The following DGAT2 variants were observed in gnomAD, a reference collection of about 807,000 sequenced individuals.
DGAT2 encodes diacylglycerol O-acyltransferase 2, also known as acyl-CoA retinol O-fatty-acyltransferase.
DGAT2 carries 33 observed loss-of-function variants against 48.4 expected under a neutral mutation model. The observed-to-expected ratio is 0.68, with a 90% CI of 0.52 to 0.91. DGAT2 has a LOEUF of 0.91. Ranked by LOEUF, DGAT2 falls within the 40% of genes least tolerant of loss-of-function variation. The probability of loss-of-function intolerance (pLI) is 0.00; values close to 1 mark genes in which losing one functional copy is unlikely to be tolerated. For missense variants in DGAT2, 446 were observed against 493.7 expected, an observed-to-expected ratio of 0.90 and a Z score of 0.92; for synonymous variants, 191 against 194.1, an observed-to-expected ratio of 0.98 and a Z score of 0.13.
chr11:75,784,713 G>A lies in DGAT2; in HGVS notation c.217G>A (p.Val73Met). ...KVEKQLQVIS[V>M]LQWVLSFLVL... ...GGAAAAGCAGCTACAGGTCATCTCA[G>A]TGCTCCAGTGGGTCCTGTCCTTCCT... The change falls in exon 2 of 8, where the codon GTG (valine) becomes ATG (methionine). Residue 73 changes from valine to methionine, a missense_variant. Physicochemically the swap from Val to Met is conservative, Grantham distance 21. Coordinates refer to ENST00000228027, the MANE Select transcript of DGAT2 (RefSeq NM_032564.5). The A allele has an allele frequency of 1.2e-6, 2 of 1,614,126 alleles. No homozygotes were observed. Among genetic ancestry groups the A allele is most frequent in the Admixed American group, 3.3e-5 (2 of 60,020 alleles).
intron 2 of DGAT2, 66 bp from the exon 3 acceptor site, chr11:75,790,118 CTCCA>C: frequency 6.1e-6 from 7 of 1,154,770 alleles, no homozygotes; most frequent in Non-Finnish European, 9.1e-6. Context: ...TAAACACTCA[CTCCA>C]TCCACCATGG....
intron 1 of DGAT2, 113 bp from the exon 2 acceptor site, chr11:75,784,505 G>C: frequency 5.6e-6 from 8 of 1,439,992 alleles, no homozygotes; most frequent in Non-Finnish European, 7.6e-6. Context: ...TGATTCTATA[G>C]CTGATGCTCT....
At chr11:75,793,215 T>G (rs567605496) in intron 4 of DGAT2, 2 of 152,382 alleles carry the variant, frequency 1.3e-5, no homozygotes, top group Admixed American at 1.3e-4. Context: ...AGAACCTTCA[T>G]TGGCGGTATC....
intron 1 of DGAT2, 64 bp downstream of exon 1, chr11:75,769,176 A>G (rs1023394352): frequency 6.7e-7 from 1 of 1,501,214 alleles, no homozygotes; most frequent in Admixed American, 2.4e-5. Flanking sequence ...GCCCTGTGGC[A>G]GGCTGGTGGG....
intron 5 of DGAT2, 101 bp from the exon 6 acceptor site, chr11:75,797,057 C>G: frequency 8.1e-7 from 1 of 1,238,744 alleles, no homozygotes; most frequent in South Asian, 2.0e-5. Context: ...AGGTCTGGGG[C>G]CCAGGTCCAG....
At chr11:75,790,589 C>A in intron 3 of DGAT2, 72 bp from the exon 4 acceptor site, 1 of 1,428,518 alleles carries the variant, frequency 7.0e-7, no homozygotes. Context: ...GGGTTTCACA[C>A]TGGCCCTGTC....
rs762270771 is a variant in DGAT2 at position 75,784,631 on chromosome 11, C to A, written c.135C>A (p.Ser45Arg). The change falls in exon 2 of 8, where the codon AGC becomes AGA. Residue 45 changes from serine (S) to arginine (R), a missense_variant. Transcript: ENST00000228027. ...CCTCTGCTGTAGGCACTGGATCCAG[C>A]ATCCTCTCCGCCCTCCAGGACCTCT... ...EGSGRWGTGS[S>R]ILSALQDLFS... is the part of the protein sequence containing the mutation. 1 of 1,614,104 alleles carries A rather than the reference C, an allele frequency of 6.2e-7. No homozygotes were observed. Among genetic ancestry groups the A allele is most frequent in the Non-Finnish European group, 8.5e-7 (1 of 1,179,964 alleles).
intron 6 of DGAT2, among the ~76,000 whole-genome samples, chr11:75,797,883 C>T (rs1372747865): frequency 1.3e-5 from 2 of 152,134 alleles, no homozygotes; most frequent in East Asian, 3.9e-4. Context: ...ATGGTGAGTC[C>T]AGGGCTGAGA....
chr11:75,771,587 T>C (rs891169291), intron 1 of DGAT2, among the ~76,000 whole-genome samples: 1 of 152,094 alleles, frequency 6.6e-6, no homozygotes, highest in African/African-American at 2.4e-5. Context: ...GAGTTCCACA[T>C]CACTGTGGAT....
In DGAT2 at chr11:75,799,605, C is replaced by CT. The variant is rs1404419285; in HGVS notation, c.1013-744dup. 1.8e-4 allele frequency among the ~76,000 whole-genome samples: 28 copies of CT among 151,554 alleles called. 1 individual carries two copies. Among genetic ancestry groups the CT allele is most frequent in the African/African-American group, 6.8e-4 (28 of 41,088 alleles). On this transcript the variant is annotated intron_variant, in intron 7 of 7. Transcript: ENST00000228027. The stretch of plus-strand genomic sequence containing the variant: ...CCCTCCTCTCCTGCCCTTAACCACA[C>CT]TTTTTATTTTTTTTTTTTTTATTTT...
intron 1 of DGAT2, 114 bp downstream of exon 1, chr11:75,769,226 T>C (rs760297827): frequency 2.8e-5 from 37 of 1,304,662 alleles, no homozygotes; most frequent in Non-Finnish European, 3.4e-5. Flanking sequence ...GTGGCACTCA[T>C]CAATTTTTAC....
At chr11:75,772,263 A>G (rs1385291610) in intron 1 of DGAT2, among the ~76,000 whole-genome samples, 1 of 152,156 alleles carries the variant, frequency 6.6e-6, no homozygotes, top group African/African-American at 2.4e-5. Flanking sequence ...TTTGGCTGCC[A>G]GGTGAATGCC....
intron 1 of DGAT2, among the ~76,000 whole-genome samples, chr11:75,778,940 T>C (rs1489134026): frequency 3.3e-5 from 5 of 152,228 alleles, no homozygotes; most frequent in African/African-American, 1.2e-4. Context: ...TTAGGTGACT[T>C]GCCCGAGGTC....
chr11:75,769,885 G>T (rs1944740087), intron 1 of DGAT2, among the ~76,000 whole-genome samples: 1 of 152,058 alleles, frequency 6.6e-6, no homozygotes, highest in African/African-American at 2.4e-5. Flanking sequence ...TGTGTGTCTT[G>T]CATGAAGCCC....
intron 1 of DGAT2, 29 bp from the exon 2 acceptor site, chr11:75,784,589 A>C: frequency 6.2e-7 from 1 of 1,612,940 alleles, no homozygotes; most frequent in Non-Finnish European, 8.5e-7. Context: ...GAAGGGTGAC[A>C]GTGGACTGAC....
At chr11:75,797,481 G>C in intron 6 of DGAT2, 149 bp downstream of exon 6, 1 of 1,024,644 alleles carries the variant, frequency 9.8e-7, no homozygotes, top group Non-Finnish European at 1.3e-6. Context: ...TTGGAGCCCA[G>C]ACTGCACAGT....
chr11:75,796,451 T>C lies in DGAT2; in HGVS notation c.553T>C (p.Phe185Leu), dbSNP rs777963404. 1.2e-6 allele frequency: 2 copies of C among 1,614,072 alleles called. No individual in the cohort carries two copies. The highest frequency in any genetic ancestry group is 1.7e-6 in the Non-Finnish European group (2 of 1,180,032). The change falls in exon 5 of 8, where the codon TTC becomes CTC. Residue 185 changes from phenylalanine (F) to leucine (L), a missense_variant. Coordinates refer to ENST00000228027, the MANE Select transcript of DGAT2 (RefSeq NM_032564.5). Reference protein sequence around the residue: ...STEATEVSKKFPGIRPYLATL... With the variant: ...STEATEVSKKLPGIRPYLATL... ...AGAGGCCACAGAAGTGAGCAAGAAG[T>C]TCCCAGGCATACGGCCTTACCTGGC...
chr11:75,793,412 A>G (rs941539490), intron 4 of DGAT2: 1 of 152,220 alleles, frequency 6.6e-6, no homozygotes, highest in East Asian at 1.9e-4. Context: ...GAGGGAGGAA[A>G]TGATTTAAAG....
At chr11:75,785,326 A>G (rs1256389290) in intron 2 of DGAT2, among the ~76,000 whole-genome samples, 1 of 152,200 alleles carries the variant, frequency 6.6e-6, no homozygotes, top group Non-Finnish European at 1.5e-5. Context: ...CCTGGTCATG[A>G]TGGGCCCCCA....
Sources: allele counts gnomAD v4.1 joint callset (sites outside exome capture counted in the v4.1 genomes callset), GRCh38; gene constraint gnomAD v4.1.1; transcripts MANE v1.5; gene names NCBI Gene and HGNC (gene_info 2026-07-23, HGNC 2026-07-21).